LAMA2: variants seen among roughly 807,000 people sequenced by gnomAD.
LAMA2 encodes laminin subunit alpha 2.
A neutral mutation model predicts 364.8 loss-of-function variants in LAMA2; 269 were observed. The ratio of observed to expected loss-of-function variants is 0.74; its 90% CI spans 0.67 to 0.82. The LOEUF is 0.82. Among genes scored for constraint, LAMA2 ranks in the 40% least tolerant of loss-of-function variants. The pLI, the probability that LAMA2 is intolerant of heterozygous loss-of-function variation, is 0.00. For synonymous variants in LAMA2, 1,379 were observed against 1,370.6 expected (o/e 1.01, Z -0.14); for missense variants, 3,807 against 3,873.2 (o/e 0.98, Z 0.45).
intron 1 of LAMA2, among the ~76,000 whole-genome samples, chr6:129,045,313 T>G (rs1359026793): frequency 1.3e-5 from 2 of 152,192 alleles, no homozygotes; most frequent in Non-Finnish European, 2.9e-5. Context: ...GTTAGAAAAC[T>G]CTATGAAGCA....
At chr6:129,280,296 A>G in intron 18 of LAMA2, 149 bp downstream of exon 18, 1 of 667,472 alleles carries the variant, frequency 1.5e-6, no homozygotes, top group East Asian at 2.7e-5. Flanking sequence ...TTGTCAAACA[A>G]ATGCATTATA....
At chr6:129,338,765 A>G (rs1562473989) in intron 29 of LAMA2, among the ~76,000 whole-genome samples, 1 of 152,222 alleles carries the variant, frequency 6.6e-6, no homozygotes, top group Non-Finnish European at 1.5e-5. Context: ...AGAAAGTGAC[A>G]TTTAAAATGA....
chr6:129,454,723 A>G (rs1159207106), intron 47 of LAMA2, among the ~76,000 whole-genome samples: 1 of 152,190 alleles, frequency 6.6e-6, no homozygotes, highest in Non-Finnish European at 1.5e-5. Context: ...ATTCTTATGT[A>G]ACATACCAGG....
chr6:129,255,176 G>A (rs1336428578), intron 14 of LAMA2, among the ~76,000 whole-genome samples: 1 of 151,888 alleles, frequency 6.6e-6, no homozygotes, highest in East Asian at 1.9e-4. Flanking sequence ...GGGAGGCTGA[G>A]GCAGGCAGAT....
chr6:129,206,379 T>C (rs1175677566), intron 12 of LAMA2, among the ~76,000 whole-genome samples: 1 of 152,222 alleles, frequency 6.6e-6, no homozygotes, highest in Non-Finnish European at 1.5e-5. Context: ...TTGTAAAAGA[T>C]ATTTTAACTG....
intron 34 of LAMA2, among the ~76,000 whole-genome samples, chr6:129,379,018 A>G (rs1778530776): frequency 6.6e-6 from 1 of 152,244 alleles, no homozygotes; most frequent in African/African-American, 2.4e-5. Flanking sequence ...ATGGAATACT[A>G]TGCAGCCATA....
At chr6:129,439,593 A>G (rs953207513) in intron 42 of LAMA2, among the ~76,000 whole-genome samples, 1 of 152,070 alleles carries the variant, frequency 6.6e-6, no homozygotes, top group African/African-American at 2.4e-5. Context: ...CATGTCTGTA[A>G]TATCTTTCTA....
At position 129,377,351 on chromosome 6, in the gene LAMA2, G is replaced by T. The variant is rs1391169360; in HGVS notation, c.4960-5771G>T. 2.6e-5 allele frequency among the ~76,000 whole-genome samples: 4 copies of T among 151,844 alleles called. No homozygotes were observed. In the East Asian group the frequency reaches 7.7e-4, roughly 29 times the overall value. Reference sequence around the variant, plus strand: ...TTATAGTTTTTAAAAGATTTCAACTGCTAACAGTGTTTTTTATTTCTCCTT... The same window carrying T: ...TTATAGTTTTTAAAAGATTTCAACTTCTAACAGTGTTTTTTATTTCTCCTT... On this transcript the variant is annotated intron_variant, in intron 34 of 64. Coordinates refer to ENST00000421865, the MANE Select transcript of LAMA2 (RefSeq NM_000426.4).
intron 35 of LAMA2, among the ~76,000 whole-genome samples, chr6:129,384,777 G>A (rs2437088): frequency 0.82 from 124,602 of 151,794 alleles, 51,286 homozygotes; most frequent in Admixed American, 0.87. Context: ...GGTGTCTCTC[G>A]TTCCCTAAAT....
chr6:129,317,097 G>A (rs1305742925), intron 27 of LAMA2, among the ~76,000 whole-genome samples: 1 of 152,136 alleles, frequency 6.6e-6, no homozygotes, highest in Admixed American at 6.5e-5. Context: ...TCCACATCAT[G>A]GACCCTCATG....
intron 41 of LAMA2, 145 bp downstream of exon 41, chr6:129,427,999 C>T: frequency 1.5e-6 from 1 of 673,392 alleles, no homozygotes; most frequent in East Asian, 2.8e-5. Flanking sequence ...TAAACTTTCT[C>T]ACTAGTTTTA....
chr6:128,984,867 C>T (rs984301077), intron 1 of LAMA2, among the ~76,000 whole-genome samples: 1 of 152,172 alleles, frequency 6.6e-6, no homozygotes, highest in Admixed American at 6.6e-5. Context: ...CTGGGAATCA[C>T]TTCACTGCGT....
At chr6:129,354,707 A>G (rs1237902441) in intron 32 of LAMA2, among the ~76,000 whole-genome samples, 3 of 152,186 alleles carry the variant, frequency 2.0e-5, no homozygotes, top group Non-Finnish European at 2.9e-5. Context: ...AAATTAAACA[A>G]TAGTACATTA....
At chr6:129,140,217 G>C (rs1275799530) in intron 4 of LAMA2, among the ~76,000 whole-genome samples, 1 of 151,988 alleles carries the variant, frequency 6.6e-6, no homozygotes, top group East Asian at 1.9e-4. Context: ...GAGGCACAGA[G>C]GTCTTACTAA....
At chr6:128,905,912 G>A (rs1363293543) in intron 1 of LAMA2, among the ~76,000 whole-genome samples, 3 of 151,916 alleles carry the variant, frequency 2.0e-5, no homozygotes, top group South Asian at 4.2e-4. Context: ...GTGATAGTTT[G>A]CTGAGAATGA....
intron 1 of LAMA2, among the ~76,000 whole-genome samples, chr6:129,034,384 G>A (rs1367058206): frequency 1.3e-5 from 2 of 152,162 alleles, no homozygotes; most frequent in Middle Eastern, 3.4e-3. Context: ...CTGTTACAGA[G>A]GTGCACTATT....
intron 21 of LAMA2, 89 bp downstream of exon 21, chr6:129,297,954 C>T: frequency 9.5e-7 from 1 of 1,052,774 alleles, no homozygotes; most frequent in Non-Finnish European, 1.4e-6. Flanking sequence ...AAAGGAAGCA[C>T]AGATTGATAC....
At chr6:129,398,506 G>T (rs554212495) in intron 37 of LAMA2, among the ~76,000 whole-genome samples, 5 of 114,084 alleles carry the variant, frequency 4.4e-5, no homozygotes, top group African/African-American at 1.5e-4. Context: ...ACAGAGTTTC[G>T]CTCTTGTCAC....
chr6:129,110,806 T>C (rs563005053), intron 4 of LAMA2, among the ~76,000 whole-genome samples: 1 of 152,182 alleles, frequency 6.6e-6, no homozygotes, highest in African/African-American at 2.4e-5. Context: ...ATCAGTCATT[T>C]TCTAAATGTG....
Sources: allele counts gnomAD v4.1 joint callset (sites outside exome capture counted in the v4.1 genomes callset), GRCh38; gene constraint gnomAD v4.1.1; transcripts MANE v1.5; gene names NCBI Gene and HGNC (gene_info 2026-07-23, HGNC 2026-07-21).